The following ELN variants were observed in gnomAD, a reference collection of about 807,000 sequenced individuals.
The protein encoded by ELN is tropoelastin.
ELN carries 65 observed loss-of-function variants against 105.8 expected under a neutral mutation model. The ratio of observed to expected loss-of-function variants is 0.61; its 90% CI spans 0.50 to 0.75. The LOEUF is 0.75. Among genes scored for constraint, ELN ranks in the 30% least tolerant of loss-of-function variants. ELN has a pLI of 0.00. For synonymous variants in ELN, 368 were observed against 389.2 expected (o/e 0.95, Z 0.64); for missense variants, 882 against 969.4 (o/e 0.91, Z 1.20).
At chr7:74,062,543 GTTGT>G (rs541803683) in intron 26 of ELN, among the ~76,000 whole-genome samples, 18 of 152,006 alleles carry the variant, frequency 1.2e-4, no homozygotes, top group African/African-American at 2.7e-4. Context: ...TACTATTACC[GTTGT>G]TTGTTTGTTT....
At chr7:74,037,889 C>A in intron 4 of ELN, 150 bp downstream of exon 4, 1 of 1,215,734 alleles carries the variant, frequency 8.2e-7, no homozygotes, top group Non-Finnish European at 1.2e-6. Flanking sequence ...ACCGATTAGC[C>A]TCCCAAGGAT....
At chr7:74,042,049 C>T (rs1480426611) in intron 5 of ELN, among the ~76,000 whole-genome samples, 1 of 151,270 alleles carries the variant, frequency 6.6e-6, no homozygotes, top group Non-Finnish European at 1.5e-5. Context: ...CACAAGACCC[C>T]ATCTCTAAAG....
chr7:74,034,558 A>T (rs1180835272), intron 1 of ELN, among the ~76,000 whole-genome samples: 1 of 152,180 alleles, frequency 6.6e-6, no homozygotes, highest in Non-Finnish European at 1.5e-5. Flanking sequence ...AAAATCAATT[A>T]GCCAGATGTG....
chr7:74,046,855 G>C, intron 12 of ELN, 88 bp downstream of exon 12: 1 of 1,466,076 alleles, frequency 6.8e-7, no homozygotes, highest in East Asian at 2.3e-5. Flanking sequence ...AGGCTAAGGC[G>C]GGCAGATCAC....
intron 1 of ELN, among the ~76,000 whole-genome samples, chr7:74,033,083 C>T (rs1255514199): frequency 6.6e-6 from 1 of 152,248 alleles, no homozygotes; most frequent in Non-Finnish European, 1.5e-5. Context: ...CTTGCAGCAA[C>T]CTTGCAACCT....
In ELN at chr7:74,036,555, G is replaced by C; in HGVS notation, c.134G>C (p.Gly45Ala). ...TCTTTCTCTTTCTCTCCCCCCACAG[G>C]GGCTGGTCTCGGAGCCCTTGGAGGA... ...GGVPGGVFYP[G>A]AGLGALGGGA... is the part of the protein sequence containing the mutation. The change falls in exon 3 of 33, where the codon GGG becomes GCG. Residue 45 changes from glycine (G) to alanine (A), a missense_variant and splice_region_variant. Transcript: ENST00000252034. 1.2e-6 allele frequency: 2 copies of C among 1,614,076 alleles called. No homozygotes were observed. Among genetic ancestry groups the C allele is most frequent in the Non-Finnish European group, 1.7e-6 (2 of 1,180,022 alleles).
At position 74,056,324 on chromosome 7, in the gene ELN, G is replaced by C. The variant is rs1010389018; in HGVS notation, c.1204G>C (p.Gly402Arg). 6.2e-7 allele frequency: 1 copy of C among 1,614,140 alleles called. No individual in the cohort carries two copies. The change falls in exon 20 of 33, where the codon GGG (glycine) becomes CGG (arginine). Residue 402 changes from glycine (G) to arginine (R), a missense_variant. Gly to Arg is a moderately radical substitution (Grantham distance 125). Transcript: ENST00000252034. ...GGIPTYGVGAGGFPGFGVGVG... is the reference protein window; with the variant it reads ...GGIPTYGVGARGFPGFGVGVG... ...CATTCCTACTTACGGGGTTGGAGCT[G>C]GGGGCTTTCCCGGCTTTGGTGTCGG... is the stretch of plus-strand genomic sequence containing the variant.
chr7:74,059,524 A>C, intron 22 of ELN: 1 of 366,114 alleles, frequency 2.7e-6, no homozygotes, highest in Non-Finnish European at 5.2e-6. Flanking sequence ...TCTACTAAAA[A>C]TACAAAAAAA....
At chr7:74,043,550 T>G in intron 8 of ELN, 1 of 659,160 alleles carries the variant, frequency 1.5e-6, no homozygotes, top group Non-Finnish European at 2.8e-6. Flanking sequence ...CCAAGCCCTT[T>G]AGGAAGTGAC....
chr7:74,028,784 G>A (rs965405027), intron 1 of ELN, among the ~76,000 whole-genome samples: 24 of 152,318 alleles, frequency 1.6e-4, no homozygotes, highest in Admixed American at 4.6e-4. Flanking sequence ...TCAGGGCTCC[G>A]CTGAGGATGG....
intron 1 of ELN, among the ~76,000 whole-genome samples, chr7:74,033,433 G>T (rs1273422437): frequency 6.6e-6 from 1 of 152,270 alleles, no homozygotes; most frequent in Non-Finnish European, 1.5e-5. Flanking sequence ...GGCATCAGAG[G>T]CCCGAGGCGG....
chr7:74,050,455 TTCCATCCA>T (rs373698578), intron 15 of ELN, among the ~76,000 whole-genome samples: 1 of 145,550 alleles, frequency 6.9e-6, no homozygotes, highest in Admixed American at 6.8e-5. Flanking sequence ...CCATTGATTC[TTCCATCCA>T]TCCATCCATC....
intron 9 of ELN, among the ~76,000 whole-genome samples, chr7:74,044,627 T>G (rs1231401048): frequency 6.6e-6 from 1 of 152,186 alleles, no homozygotes; most frequent in Non-Finnish European, 1.5e-5. Flanking sequence ...TGCCAGGGCC[T>G]GACCACCCCA....
chr7:74,037,887 G>C, intron 4 of ELN, 148 bp downstream of exon 4: 1 of 1,226,944 alleles, frequency 8.2e-7, no homozygotes, highest in South Asian at 1.3e-5. Flanking sequence ...ACACCGATTA[G>C]CCTCCCAAGG....
chr7:74,050,623 A>G (rs1793829642), intron 15 of ELN, among the ~76,000 whole-genome samples: 1 of 152,034 alleles, frequency 6.6e-6, no homozygotes, highest in Non-Finnish European at 1.5e-5. Context: ...TCATTCATTC[A>G]TTCATTCATT....
rs782028490 is a variant in ELN, at chr7:74,036,541, C to T, written c.134-14C>T. 1.6e-5 allele frequency: 26 copies of T among 1,613,890 alleles called. No individual in the cohort carries two copies. The South Asian group carries it at 2.0e-4, about 12-fold the overall frequency. On this transcript the variant is annotated splice_polypyrimidine_tract_variant and intron_variant, in intron 2 of 32. Transcript: ENST00000252034. Reference sequence around the variant, plus strand: ...GTACCGATGATCTCTCTTTCTCTTTCTCTCCCCCCACAGGGGCTGGTCTCG... The same window carrying T: ...GTACCGATGATCTCTCTTTCTCTTTTTCTCCCCCCACAGGGGCTGGTCTCG...
At chr7:74,057,587 G>T (rs559075659) in intron 21 of ELN, 53 bp from the exon 22 acceptor site, 16 of 1,609,640 alleles carry the variant, frequency 9.9e-6, no homozygotes, top group Middle Eastern at 3.3e-4. Flanking sequence ...GAGATGGGAA[G>T]CAGGGAGGGG....
intron 3 of ELN, 111 bp from the exon 4 acceptor site, chr7:74,037,596 C>T: frequency 6.7e-7 from 1 of 1,494,236 alleles, no homozygotes; most frequent in Non-Finnish European, 9.1e-7. Flanking sequence ...AGCGGGAGGA[C>T]CTGGGGTGTG....
Position 74,064,189 on chromosome 7 carries a change from T to C in ELN, c.1993+494T>C, listed in dbSNP as rs542175574. Reference sequence around the variant, plus strand: ...ATCCCAGCACTTTGGGAGGCTGAGGTGGGCAGATCACGAGGTCAGATCAAG... The same window carrying C: ...ATCCCAGCACTTTGGGAGGCTGAGGCGGGCAGATCACGAGGTCAGATCAAG... On this transcript the variant is annotated intron_variant, in intron 29 of 32. Transcript: ENST00000252034. Among the ~76,000 whole-genome samples, 146 of 149,736 alleles carry C rather than the reference T, an allele frequency of 9.8e-4. 2 individuals are homozygous for C. Among genetic ancestry groups the C allele is most frequent in the South Asian group, 6.1e-3 (29 of 4,718 alleles).
Sources: allele counts gnomAD v4.1 joint callset (sites outside exome capture counted in the v4.1 genomes callset), GRCh38; gene constraint gnomAD v4.1.1; transcripts MANE v1.5; gene names NCBI Gene and HGNC (gene_info 2026-07-23, HGNC 2026-07-21).